UGT2B7: variants seen among roughly 807,000 people sequenced by gnomAD.
The protein encoded by UGT2B7 is UDP-glucuronosyltransferase 2B7.
Under a neutral mutation model 51.9 loss-of-function variants are expected in UGT2B7, and 51 were observed. The ratio of observed to expected loss-of-function variants is 0.98; its 90% confidence interval spans 0.78 to 1.24. The LOEUF is 1.24. Among genes scored for constraint, UGT2B7 ranks in the 50% most tolerant of loss-of-function variants. UGT2B7 has a pLI of 0.00. For missense variants in UGT2B7, 727 were observed against 628.4 expected, an observed-to-expected ratio of 1.16 and a Z score of -1.68; for synonymous variants, 225 against 211.6, an observed-to-expected ratio of 1.06 and a Z score of -0.55.
chr4:69,095,049 C>G (rs1436702482), upstream of UGT2B7, among the ~76,000 whole-genome samples: 1 of 152,146 alleles, frequency 6.6e-6, no homozygotes, highest in Non-Finnish European at 1.5e-5. Flanking sequence ...AGTTATCTTT[C>G]TAGTTTTATT....
At chr4:69,067,956 T>C (rs934518309) in intron 1 of UGT2B7, among the ~76,000 whole-genome samples, 3 of 152,128 alleles carry the variant, frequency 2.0e-5, no homozygotes, top group Admixed American at 6.6e-5. Context: ...CAGTACTGAC[T>C]AATTTTCAGC....
At chr4:69,056,778 T>C (rs1718213539) in intron 1 of UGT2B7, among the ~76,000 whole-genome samples, 1 of 152,148 alleles carries the variant, frequency 6.6e-6, no homozygotes, top group East Asian at 1.9e-4. Context: ...ACTATCAATC[T>C]GTTGCACAAA....
chr4:69,108,038 A>T, intron 4 of UGT2B7, 65 bp from the exon 5 acceptor site: 1 of 1,560,708 alleles, frequency 6.4e-7, no homozygotes, highest in Non-Finnish European at 8.8e-7. Flanking sequence ...TCACTTTCAG[A>T]GCCTTTCATT....
Position 69,112,528 on chromosome 4 carries a change from T to C in UGT2B7, c.1382T>C (p.Val461Ala), listed in dbSNP as rs1719805844. Residue 461 changes from valine (V) to alanine (A), a missense_variant, in exon 6 of 6, where the codon GTC (valine) becomes GCC (alanine). Coordinates refer to ENST00000305231, the MANE Select transcript of UGT2B7 (RefSeq NM_001074.4). Reference protein sequence around the residue: ...DQPVKPLDRAVFWIEFVMRHK... With the variant: ...DQPVKPLDRAAFWIEFVMRHK... ...CCAGTGAAGCCCCTGGATCGAGCAG[T>C]CTTCTGGATTGAATTTGTCATGCGC... 1 of 1,613,968 alleles carries C rather than the reference T, an allele frequency of 6.2e-7. No individual in the cohort carries two copies. The highest frequency in any genetic ancestry group is 2.2e-5 in the East Asian group (1 of 44,884).
chr4:69,062,395 G>T (rs755298620), intron 1 of UGT2B7, among the ~76,000 whole-genome samples: 1 of 152,178 alleles, frequency 6.6e-6, no homozygotes, highest in Non-Finnish European at 1.5e-5. Context: ...ATGGCTAAGC[G>T]CAGGAAAGAA....
intron 1 of UGT2B7, among the ~76,000 whole-genome samples, chr4:69,064,078 A>AG (rs1718425403): frequency 2.8e-5 from 3 of 106,058 alleles, no homozygotes; most frequent in Admixed American, 1.8e-4. Context: ...GAAAGAAAGA[A>AG]AGAAAGAAAG....
At position 69,064,114 on chromosome 4, in the gene UGT2B7, A is replaced by AAAGAAAGAAAGAAAG. The variant is rs1560499815; in HGVS notation, c.-159+12513_-159+12514insAGAAAGAAAGAAAGA. On this transcript the variant is annotated intron_variant, in intron 1 of 5. Coordinates refer to the UGT2B7 transcript ENST00000502942. ...AAAGAAAGAGAAAGAAAGAAAGAAAAAGAAAGAAAGAAAGAAAGAAAGAAA... is the reference window on the plus strand; with the variant it reads ...AAAGAAAGAGAAAGAAAGAAAGAAAAAAGAAAGAAAGAAAGAGAAAGAAAGAAAGAAAGAAAGAAA... Among the ~76,000 whole-genome samples, 35 of 123,120 alleles carry AAAGAAAGAAAGAAAG rather than the reference A, an allele frequency of 2.8e-4. 3 individuals are homozygous for AAAGAAAGAAAGAAAG. The highest frequency in any genetic ancestry group is 1.2e-3 in the African/African-American group (35 of 29,494). The allele number at this position is 123,120 out of a possible 152,430, so 80.8% of individuals were successfully genotyped here.
intron 1 of UGT2B7, among the ~76,000 whole-genome samples, chr4:69,067,839 C>A (rs1203109852): frequency 1.3e-5 from 2 of 151,854 alleles, no homozygotes; most frequent in African/African-American, 4.8e-5. Context: ...TGCATAAGTT[C>A]TAAAATAGCC....
chr4:69,091,203 T>C (rs1719076836), intron 2 of UGT2B7, among the ~76,000 whole-genome samples: 1 of 152,222 alleles, frequency 6.6e-6, no homozygotes, highest in Non-Finnish European at 1.5e-5. Flanking sequence ...GTATTACTCA[T>C]GTGATTCATA....
Position 69,105,451 on chromosome 4 carries a change from T to A in UGT2B7, c.1003-1724T>A, listed in dbSNP as rs114274672. 3.9e-3 allele frequency among the ~76,000 whole-genome samples: 596 copies of A among 152,318 alleles called. 4 individuals carry two copies. Among genetic ancestry groups the A allele is most frequent in the African/African-American group, 0.014 (575 of 41,588 alleles). ...ACACTGTAAATTATTGTTTAGTTTA[T>A]GAGGATTGCTTGGGAGTTTCAAAAT... On this transcript the variant is annotated intron_variant, in intron 3 of 5. Transcript: ENST00000305231.
intron 1 of UGT2B7, among the ~76,000 whole-genome samples, chr4:69,088,810 G>T (rs1244752822): frequency 6.6e-6 from 1 of 152,068 alleles, no homozygotes; most frequent in Non-Finnish European, 1.5e-5. Flanking sequence ...TCCTGAGGTA[G>T]GACAAAAGTG....
At chr4:69,054,084 T>C (rs1235145946) in intron 1 of UGT2B7, among the ~76,000 whole-genome samples, 6 of 151,448 alleles carry the variant, frequency 4.0e-5, no homozygotes, top group South Asian at 2.1e-4. Flanking sequence ...TGACAGTGAA[T>C]AAAAATGTAG....
chr4:69,083,541 T>C (rs1047184890), intron 1 of UGT2B7, among the ~76,000 whole-genome samples: 1 of 152,138 alleles, frequency 6.6e-6, no homozygotes, highest in East Asian at 1.9e-4. Flanking sequence ...TAACTACAGA[T>C]GTGTTTTATT....
chr4:69,063,439 A>G (rs1718403512), intron 1 of UGT2B7, among the ~76,000 whole-genome samples: 1 of 152,120 alleles, frequency 6.6e-6, no homozygotes, highest in African/African-American at 2.4e-5. Context: ...ATGCTTAATC[A>G]CATCATAAGG....
At chr4:69,087,112 C>G (rs539436738) in intron 1 of UGT2B7, among the ~76,000 whole-genome samples, 65 of 151,148 alleles carry the variant, frequency 4.3e-4, no homozygotes, top group African/African-American at 1.5e-3. Context: ...TTCTCTCTCA[C>G]TCTGTCTCTC....
intron 1 of UGT2B7, among the ~76,000 whole-genome samples, chr4:69,064,817 A>G (rs1718453262): frequency 3.3e-5 from 5 of 152,196 alleles, no homozygotes; most frequent in Admixed American, 3.3e-4. Flanking sequence ...CAATTTATAA[A>G]CAATATACAG....
At chr4:69,055,707 G>T (rs2109858933) in intron 1 of UGT2B7, among the ~76,000 whole-genome samples, 1 of 152,302 alleles carries the variant, frequency 6.6e-6, no homozygotes, top group South Asian at 2.1e-4. Flanking sequence ...GCCATGGGAA[G>T]CCCCAGAATT....
chr4:69,058,668 C>G (rs1402384529), intron 1 of UGT2B7, among the ~76,000 whole-genome samples: 2 of 151,590 alleles, frequency 1.3e-5, no homozygotes. Flanking sequence ...AGGGGGATAT[C>G]AGGCAAAAAT....
intron 1 of UGT2B7, among the ~76,000 whole-genome samples, chr4:69,088,439 A>G (rs981383867): frequency 6.6e-6 from 1 of 152,048 alleles, no homozygotes; most frequent in African/African-American, 2.4e-5. Flanking sequence ...TTTACGGAGC[A>G]TCTGAACCTT....
Sources: allele counts gnomAD v4.1 joint callset (sites outside exome capture counted in the v4.1 genomes callset), GRCh38; gene constraint gnomAD v4.1.1; transcripts MANE v1.5; gene names NCBI Gene and HGNC (gene_info 2026-07-23, HGNC 2026-07-21).